RALYL: variants seen among roughly 807,000 people sequenced by gnomAD.
RALYL encodes the protein RNA-binding Raly-like protein.
A neutral mutation model predicts 35.1 loss-of-function variants in RALYL; 29 were observed. The ratio of observed to expected loss-of-function variants is 0.83; its 90% CI spans 0.61 to 1.13. The LOEUF is 1.13. Ranked by LOEUF, RALYL falls within the 50% of genes most tolerant of loss-of-function variation. The pLI is 0.00. For missense variants in RALYL, 359 were observed against 360.4 expected (o/e 1.00, Z 0.03); for synonymous variants, 120 against 127.6 (o/e 0.94, Z 0.40).
chr8:84,769,367 T>TC (rs1330444838), intron 2 of RALYL, among the ~76,000 whole-genome samples: 1 of 152,184 alleles, frequency 6.6e-6, no homozygotes, highest in Non-Finnish European at 1.5e-5. Flanking sequence ...TAATGGGGTT[T>TC]CTAATGATCT....
intron 1 of RALYL, among the ~76,000 whole-genome samples, chr8:84,281,705 G>T (rs943998103): frequency 1.3e-5 from 2 of 151,914 alleles, no homozygotes; most frequent in African/African-American, 4.8e-5. Flanking sequence ...AATTGTATGT[G>T]TATGTGTGTG....
chr8:84,336,885 G>A (rs868779710), intron 1 of RALYL, among the ~76,000 whole-genome samples: 4 of 151,740 alleles, frequency 2.6e-5, no homozygotes, highest in African/African-American at 9.7e-5. Context: ...ATTTAGTTGA[G>A]CCTAGGAGAG....
rs535904598 is a variant in RALYL, at chr8:84,319,694, G to A, written c.-24+135270G>A. Among the ~76,000 whole-genome samples the A allele has an allele frequency of 5.3e-5, 8 of 152,192 alleles. No individual in the cohort carries two copies. The South Asian group carries it at 1.7e-3, about 32-fold the overall frequency. On this transcript the variant is annotated intron_variant, in intron 1 of 8. Transcript: ENST00000521268. ...AAGTGTAAGTAAAGCTTTCATTAAT[G>A]ATTCTTGAGTTATTGGTGCACAGAA...
chr8:84,908,290 A>C (rs574164928), intron 8 of RALYL, among the ~76,000 whole-genome samples: 2 of 152,280 alleles, frequency 1.3e-5, no homozygotes, highest in Admixed American at 1.3e-4. Flanking sequence ...CATACTGTGC[A>C]ATAGATCTCA....
chr8:84,326,159 G>A (rs562888925), intron 1 of RALYL, among the ~76,000 whole-genome samples: 3 of 152,198 alleles, frequency 2.0e-5, no homozygotes, highest in South Asian at 2.1e-4. Context: ...CAAACTACTA[G>A]ATTTATTCAC....
intron 2 of RALYL, among the ~76,000 whole-genome samples, chr8:84,534,666 C>T (rs1163670460): frequency 6.6e-6 from 1 of 151,922 alleles, no homozygotes; most frequent in Non-Finnish European, 1.5e-5. Context: ...AAGAGCACCA[C>T]AGGAAGAAGA....
chr8:84,723,571 G>A (rs903070316), intron 2 of RALYL, among the ~76,000 whole-genome samples: 3 of 151,912 alleles, frequency 2.0e-5, no homozygotes, highest in African/African-American at 4.8e-5. Context: ...GAGGAAATAG[G>A]TTTGTTCTAT....
chr8:84,629,676 G>A (rs1823507544), intron 2 of RALYL, among the ~76,000 whole-genome samples: 1 of 151,882 alleles, frequency 6.6e-6, no homozygotes, highest in South Asian at 2.1e-4. Flanking sequence ...ATACAATAGA[G>A]CATATATTTG....
rs544790286 is a variant in RALYL, at chr8:84,184,289, C to A, written c.-159C>A. On this transcript the variant is annotated 5_prime_UTR_variant, in exon 1 of 9. Coordinates refer to ENST00000521268, the MANE Select transcript of RALYL (RefSeq NM_173848.7). ...TATATCTATATTGTCCCTTATTTCT[C>A]CCCCTTCCCTCCCCGTAAATCAATT... 6.6e-6 allele frequency: 1 copy of A among 152,428 alleles called. No individual in the cohort carries two copies. Among genetic ancestry groups the A allele is most frequent in the African/African-American group, 2.4e-5 (1 of 41,456 alleles). 9.4% of individuals were successfully genotyped at this position (152,428 alleles called of 1,614,324 possible).
intron 2 of RALYL, among the ~76,000 whole-genome samples, chr8:84,701,974 C>G (rs1412515565): frequency 6.6e-6 from 1 of 152,070 alleles, no homozygotes; most frequent in Non-Finnish European, 1.5e-5. Context: ...CACTATGTCT[C>G]GCCCTCTGTG....
At chr8:84,231,173 A>G (rs978422113) in intron 1 of RALYL, among the ~76,000 whole-genome samples, 1 of 152,192 alleles carries the variant, frequency 6.6e-6, no homozygotes, top group Non-Finnish European at 1.5e-5. Context: ...TTCCAAGGAA[A>G]GGCTTTTTCT....
intron 1 of RALYL, among the ~76,000 whole-genome samples, chr8:84,311,785 C>T (rs781293518): frequency 4.6e-5 from 7 of 152,148 alleles, no homozygotes; most frequent in Non-Finnish European, 1.0e-4. Flanking sequence ...ATATTTCAAT[C>T]ATTTAAGAAG....
chr8:84,817,554 T>TATC, intron 4 of RALYL, among the ~76,000 whole-genome samples: 1 of 150,220 alleles, frequency 6.7e-6, no homozygotes, highest in East Asian at 1.9e-4. Context: ...TTATTATTAT[T>TATC]ATTATTATTA....
chr8:84,394,569 T>A (rs1167098860), intron 1 of RALYL, among the ~76,000 whole-genome samples: 1 of 152,000 alleles, frequency 6.6e-6, no homozygotes, highest in Non-Finnish European at 1.5e-5. Flanking sequence ...AAACTCCTTA[T>A]CTCTATTATT....
intron 4 of RALYL, among the ~76,000 whole-genome samples, chr8:84,830,015 C>A (rs1830539166): frequency 1.1e-4 from 2 of 18,496 alleles, no homozygotes; most frequent in South Asian, 1.5e-3. Flanking sequence ...CAGCACTATA[C>A]TGGGGGGGGG....
At chr8:84,310,275 G>C (rs185738872) in intron 1 of RALYL, among the ~76,000 whole-genome samples, 2 of 151,602 alleles carry the variant, frequency 1.3e-5, no homozygotes, top group African/African-American at 2.4e-5. Flanking sequence ...TCCTGACCTC[G>C]TGATCCACCT....
intron 2 of RALYL, among the ~76,000 whole-genome samples, chr8:84,592,842 A>G (rs1813600518): frequency 6.6e-6 from 1 of 152,128 alleles, no homozygotes; most frequent in African/African-American, 2.4e-5. Context: ...TGCCTTCATT[A>G]CTCTCAAATT....
intron 4 of RALYL, among the ~76,000 whole-genome samples, chr8:84,837,129 A>G (rs932078870): frequency 6.6e-6 from 1 of 152,146 alleles, no homozygotes; most frequent in Non-Finnish European, 1.5e-5. Context: ...ATAAGCTCTC[A>G]TAGAAGTTCT....
chr8:84,332,519 T>A (rs1411643362), intron 1 of RALYL, among the ~76,000 whole-genome samples: 1 of 152,084 alleles, frequency 6.6e-6, no homozygotes, highest in African/African-American at 2.4e-5. Flanking sequence ...CAAGGTTGGA[T>A]CCTTTAAAAA....
Sources: gnomAD v4.1 joint callset for allele counts (sites outside exome capture counted in the v4.1 genomes callset) on GRCh38, gnomAD v4.1.1 for gene constraint, MANE v1.5 for transcripts, NCBI Gene and HGNC (gene_info 2026-07-23, HGNC 2026-07-21) for gene names.